DGKB: variants seen among roughly 807,000 people sequenced by gnomAD.
DGKB encodes diacylglycerol kinase beta.
DGKB carries 67 observed loss-of-function variants against 114.3 expected under a neutral mutation model. That is an observed-to-expected ratio of 0.59 (90% confidence interval 0.48 to 0.72). The LOEUF (loss-of-function observed/expected upper bound fraction) is 0.72, where lower values mean the gene tolerates loss of function less well. Ranked by LOEUF, DGKB falls within the 30% of genes least tolerant of loss-of-function variation. The probability of loss-of-function intolerance (pLI) is 0.00; values close to 1 mark genes in which losing one functional copy is unlikely to be tolerated. For synonymous variants in DGKB, 398 were observed against 323.1 expected (o/e 1.23, Z -2.49); for missense variants, 907 against 975.2 (o/e 0.93, Z 0.93).
rs992719847 is a variant in DGKB, at chr7:14,784,185, T to C, written c.71-26454A>G. 2.6e-5 allele frequency among the ~76,000 whole-genome samples: 4 copies of C among 152,194 alleles called. No individual in the cohort carries two copies. The East Asian group carries it at 7.7e-4, about 29-fold the overall frequency. On this transcript the variant is annotated intron_variant, in intron 2 of 25. Transcript: ENST00000402815. The stretch of plus-strand genomic sequence containing the variant: ...ACTACAATCTACTGATGTATCCTTT[T>C]CAGCTGAAGCTCTTTTTTGTTCTTT...
chr7:14,565,685 G>A (rs1440538945), intron 20 of DGKB, among the ~76,000 whole-genome samples: 2 of 152,144 alleles, frequency 1.3e-5, no homozygotes, highest in East Asian at 3.9e-4. Context: ...CCTGGACACT[G>A]TCGATTTTAT....
chr7:14,560,583 C>T (rs945398464), intron 20 of DGKB, among the ~76,000 whole-genome samples: 3 of 152,000 alleles, frequency 2.0e-5, no homozygotes, highest in Non-Finnish European at 2.9e-5. Flanking sequence ...ATGTATAGAC[C>T]ACATCTTCTT....
intron 25 of DGKB, among the ~76,000 whole-genome samples, chr7:14,160,714 A>G (rs1184203944): frequency 1.3e-5 from 2 of 152,224 alleles, no homozygotes; most frequent in Non-Finnish European, 2.9e-5. Flanking sequence ...TATAGATTCA[A>G]TGCTAGTCCC....
chr7:14,921,471 C>T (rs149040551), intron 1 of DGKB, among the ~76,000 whole-genome samples: 2 of 152,188 alleles, frequency 1.3e-5, no homozygotes, highest in East Asian at 1.9e-4. Context: ...AATAACATAA[C>T]CCATGTGAAA....
chr7:14,542,856 C>T (rs574120305), intron 20 of DGKB, among the ~76,000 whole-genome samples: 1 of 152,288 alleles, frequency 6.6e-6, no homozygotes, highest in South Asian at 2.1e-4. Flanking sequence ...TAAAGCCACA[C>T]TGCTCTCAAA....
chr7:14,666,289 G>C (rs984290082), intron 13 of DGKB, among the ~76,000 whole-genome samples: 1 of 151,850 alleles, frequency 6.6e-6, no homozygotes. Flanking sequence ...TTTCAATGCA[G>C]GCTGATGACA....
At chr7:14,356,687 T>C (rs1216851131) in intron 21 of DGKB, among the ~76,000 whole-genome samples, 4 of 152,212 alleles carry the variant, frequency 2.6e-5, no homozygotes, top group African/African-American at 2.4e-5. Flanking sequence ...TTAATTATGA[T>C]GTTAGGGTGT....
chr7:14,368,856 G>T (rs1817149331), intron 21 of DGKB, among the ~76,000 whole-genome samples: 1 of 152,130 alleles, frequency 6.6e-6, no homozygotes, highest in African/African-American at 2.4e-5. Context: ...AGAGCCCTCA[G>T]ACCATCATGC....
At chr7:14,694,254 T>C (rs1261535101) in intron 8 of DGKB, 60 bp from the exon 9 acceptor site, 23 of 1,454,498 alleles carry the variant, frequency 1.6e-5, no homozygotes, top group East Asian at 2.5e-5. Context: ...TTTCATAGGC[T>C]ACAACATATG....
chr7:14,678,463 T>C (rs1271993539), intron 12 of DGKB, among the ~76,000 whole-genome samples: 3 of 151,916 alleles, frequency 2.0e-5, no homozygotes, highest in Non-Finnish European at 4.4e-5. Flanking sequence ...ATGAACAAAA[T>C]AGTAGGCATG....
At chr7:14,584,859 C>A (rs1250146309) in intron 17 of DGKB, among the ~76,000 whole-genome samples, 5 of 152,020 alleles carry the variant, frequency 3.3e-5, no homozygotes, top group East Asian at 3.9e-4. Context: ...AGGGTTTCAC[C>A]ATGTTGGCCA....
At chr7:14,973,522 TTTTTG>T (rs1275073563) in intron 1 of DGKB, among the ~76,000 whole-genome samples, 2 of 135,148 alleles carry the variant, frequency 1.5e-5, no homozygotes, top group East Asian at 7.7e-4. Context: ...GTTTTTTGTT[TTTTTG>T]TTTTTTTTTT....
chr7:14,879,151 G>C lies in DGKB; in HGVS notation c.-188+23441C>G, dbSNP rs145679876. On this transcript the variant is annotated intron_variant, in intron 1 of 25. Transcript: ENST00000402815. Reference sequence around the variant, plus strand: ...ATGTATATCAAGACAATGATTCACAGATTAAGGTAAAGTAGTTCTTCTCAA... The same window carrying C: ...ATGTATATCAAGACAATGATTCACACATTAAGGTAAAGTAGTTCTTCTCAA... 2.2e-4 allele frequency among the ~76,000 whole-genome samples: 33 copies of C among 151,962 alleles called. No homozygotes were observed. In the East Asian group the frequency reaches 4.0e-3, roughly 19 times the overall value.
chr7:14,592,662 T>C (rs1369722729), intron 17 of DGKB, among the ~76,000 whole-genome samples: 1 of 151,912 alleles, frequency 6.6e-6, no homozygotes, highest in Non-Finnish European at 1.5e-5. Flanking sequence ...TTATTATTGC[T>C]GGTGTAATAT....
intron 12 of DGKB, among the ~76,000 whole-genome samples, chr7:14,676,865 A>T (rs1284345674): frequency 6.6e-6 from 1 of 152,070 alleles, no homozygotes; most frequent in Non-Finnish European, 1.5e-5. Flanking sequence ...TTTACTATTT[A>T]AAATTTAAAA....
intron 23 of DGKB, among the ~76,000 whole-genome samples, chr7:14,195,281 G>A (rs192080441): frequency 5.3e-5 from 8 of 152,186 alleles, no homozygotes; most frequent in Non-Finnish European, 8.8e-5. Context: ...GCTACTTCAC[G>A]TGTCTCCTCA....
At chr7:14,955,570 T>A (rs1029603830) in intron 1 of DGKB, among the ~76,000 whole-genome samples, 1 of 152,038 alleles carries the variant, frequency 6.6e-6, no homozygotes, top group African/African-American at 2.4e-5. Context: ...ACTAACAGCA[T>A]TGATGTAAAC....
At chr7:14,327,367 G>C (rs1031499292) in intron 23 of DGKB, among the ~76,000 whole-genome samples, 1 of 151,810 alleles carries the variant, frequency 6.6e-6, no homozygotes, top group African/African-American at 2.4e-5. Flanking sequence ...TTACAATAAA[G>C]AATTTATTAA....
chr7:14,460,272 G>A (rs1832881402), intron 21 of DGKB, among the ~76,000 whole-genome samples: 1 of 151,878 alleles, frequency 6.6e-6, no homozygotes, highest in Admixed American at 6.6e-5. Context: ...TGTAAATGGG[G>A]GAAATGCCCT....
Sources: allele counts gnomAD v4.1 joint callset (sites outside exome capture counted in the v4.1 genomes callset), GRCh38; gene constraint gnomAD v4.1.1; transcripts MANE v1.5; gene names NCBI Gene and HGNC (gene_info 2026-07-23, HGNC 2026-07-21).